Variants in HSD17B3 observed in about 807,000 individuals in gnomAD.
The protein encoded by HSD17B3 is hydroxysteroid 17-beta dehydrogenase 3, also known as 17-beta-hydroxysteroid dehydrogenase type 3.
In HSD17B3, 29 loss-of-function variants were observed where a neutral mutation model predicts 41.1. The ratio of observed to expected loss-of-function variants is 0.71; its 90% CI spans 0.53 to 0.96. The LOEUF is 0.96. Among genes scored for constraint, HSD17B3 ranks in the 40% least tolerant of loss-of-function variants. The pLI is 0.00. For missense variants in HSD17B3, 323 were observed against 374.6 expected, an observed-to-expected ratio of 0.86 and a Z score of 1.14; for synonymous variants, 126 against 145.6, an observed-to-expected ratio of 0.87 and a Z score of 0.97.
chr9:96,256,293 T>C (rs1203269031), intron 2 of HSD17B3: 1 of 152,186 alleles, frequency 6.6e-6, no homozygotes, highest in African/African-American at 2.4e-5. Context: ...GTTCCAATTT[T>C]AGTATATGTG....
In HSD17B3 at chr9:96,301,959, T is replaced by C. The variant is rs1421360138; in HGVS notation, c.146A>G (p.Gln49Arg). ...ATGGAACACTCCCTTACCTGCCCAC[T>C]GTCCCATTGACCGCAAGAAAGACTT... ...LPKSFLRSMG[Q>R]WAVITGAGDG... Residue 49 changes from glutamine (Q) to arginine (R), a missense_variant, in exon 1 of 11, where the codon CAG becomes CGG. By Grantham distance (43) the Gln-to-Arg change is conservative. Coordinates refer to ENST00000375263, the MANE Select transcript of HSD17B3 (RefSeq NM_000197.2). 1.9e-6 allele frequency: 3 copies of C among 1,614,048 alleles called. No individual in the cohort carries two copies. The Admixed American group carries it at 5.0e-5, about 27-fold the overall frequency.
intron 4 of HSD17B3, among the ~76,000 whole-genome samples, chr9:96,252,113 A>C (rs887475862): frequency 6.6e-6 from 1 of 152,016 alleles, no homozygotes; most frequent in Admixed American, 6.5e-5. Context: ...TCAATTCTCA[A>C]CTATACTATT....
At chr9:96,244,179 G>A in intron 9 of HSD17B3, 150 bp downstream of exon 9, 2 of 828,246 alleles carry the variant, frequency 2.4e-6, no homozygotes, top group Non-Finnish European at 4.3e-6. Flanking sequence ...GGCATCCCCA[G>A]CTCATCTTCC....
chr9:96,263,335 G>A (rs1466562097), intron 2 of HSD17B3, among the ~76,000 whole-genome samples: 1 of 152,080 alleles, frequency 6.6e-6, no homozygotes, highest in African/African-American at 2.4e-5. Context: ...TCAACACAAA[G>A]CCTACACTGG....
At chr9:96,259,161 A>C (rs1284934108) in intron 2 of HSD17B3, among the ~76,000 whole-genome samples, 8 of 152,158 alleles carry the variant, frequency 5.3e-5, no homozygotes, top group African/African-American at 1.9e-4. Flanking sequence ...GGCTTCACAC[A>C]GGTGTCAAGG....
At chr9:96,296,158 G>T (rs1827350820) in intron 2 of HSD17B3, among the ~76,000 whole-genome samples, 1 of 152,112 alleles carries the variant, frequency 6.6e-6, no homozygotes, top group South Asian at 2.1e-4. Flanking sequence ...CTGAGTGGGA[G>T]TATCACTTGA....
chr9:96,250,475 C>A, intron 5 of HSD17B3: 1 of 1,058,736 alleles, frequency 9.4e-7, no homozygotes, highest in Non-Finnish European at 1.1e-6. Flanking sequence ...TTACACAGGA[C>A]GATGGGATAC....
intron 2 of HSD17B3, among the ~76,000 whole-genome samples, chr9:96,272,039 T>C (rs1249828390): frequency 6.6e-6 from 1 of 152,010 alleles, no homozygotes; most frequent in African/African-American, 2.4e-5. Flanking sequence ...GATGGTGGCC[T>C]TAGTCATTTT....
chr9:96,275,896 T>C (rs1233351328), intron 2 of HSD17B3, among the ~76,000 whole-genome samples: 2 of 151,856 alleles, frequency 1.3e-5, no homozygotes, highest in East Asian at 3.9e-4. Context: ...AGTCCTCACC[T>C]ATCAATAATT....
intron 2 of HSD17B3, among the ~76,000 whole-genome samples, chr9:96,287,908 C>G (rs1826988932): frequency 6.7e-6 from 1 of 149,668 alleles, no homozygotes; most frequent in Non-Finnish European, 1.5e-5. Flanking sequence ...CAACAGTTGT[C>G]AACTGGAAAA....
rs1267315269 is a variant in HSD17B3, at chr9:96,240,755, T to C, written c.822+3A>G. ...TTCAAGAAAAGGAGAAGTTATCAAT[T>C]ACCAAGATTTCATGGGCAAGGCAGC... On this transcript the variant is annotated splice_donor_region_variant and intron_variant, in intron 10 of 10. Coordinates refer to ENST00000375263, the MANE Select transcript of HSD17B3 (RefSeq NM_000197.2). 3 of 1,614,150 alleles carry C rather than the reference T, an allele frequency of 1.9e-6. No homozygotes were observed. Among genetic ancestry groups the C allele is most frequent in the East Asian group, 2.2e-5 (1 of 44,894 alleles).
rs3222260 is a variant in HSD17B3 at position 96,277,835 on chromosome 9, GCACACACACACA to G, written c.201+20569_201+20580del. On this transcript the variant is annotated intron_variant, in intron 2 of 10. Coordinates refer to ENST00000375263, the MANE Select transcript of HSD17B3 (RefSeq NM_000197.2). ...TTAACAGATGAATAAGGAAAATGTG[GCACACACACACA>G]CACACACACACACACACACACACAA... 2.7e-4 allele frequency among the ~76,000 whole-genome samples: 40 copies of G among 146,024 alleles called. 1 individual carries two copies. Among genetic ancestry groups the G allele is most frequent in the South Asian group, 1.1e-3 (5 of 4,576 alleles).
chr9:96,278,685 A>G (rs756974819), intron 2 of HSD17B3, among the ~76,000 whole-genome samples: 9 of 152,318 alleles, frequency 5.9e-5, no homozygotes, highest in Middle Eastern at 3.4e-3. Context: ...ATTTGATGGT[A>G]GGCCATGAAT....
intron 2 of HSD17B3, among the ~76,000 whole-genome samples, chr9:96,259,018 G>A (rs1156378895): frequency 6.6e-6 from 1 of 152,180 alleles, no homozygotes; most frequent in Non-Finnish European, 1.5e-5. Flanking sequence ...CTCTAAGATT[G>A]CCCTGGGCTT....
chr9:96,240,640 G>T, intron 10 of HSD17B3, 118 bp downstream of exon 10: 1 of 1,026,850 alleles, frequency 9.7e-7, no homozygotes, highest in Non-Finnish European at 1.5e-6. Flanking sequence ...CCTTGTACCT[G>T]GCTATATTAA....
At chr9:96,286,252 G>C (rs1396334698) in intron 2 of HSD17B3, among the ~76,000 whole-genome samples, 1 of 152,116 alleles carries the variant, frequency 6.6e-6, no homozygotes. Flanking sequence ...GTTGAGGCAG[G>C]AGAATCACTT....
intron 1 of HSD17B3, among the ~76,000 whole-genome samples, chr9:96,298,787 C>T (rs1253846424): frequency 6.6e-6 from 1 of 152,142 alleles, no homozygotes; most frequent in African/African-American, 2.4e-5. Context: ...TTCCTGCAGG[C>T]CCCATGAGGA....
chr9:96,286,403 AACTG>A (rs1436506192), intron 2 of HSD17B3, among the ~76,000 whole-genome samples: 2 of 151,730 alleles, frequency 1.3e-5, no homozygotes, highest in Admixed American at 1.3e-4. Flanking sequence ...CACCCACCAT[AACTG>A]GCTGGGCATA....
chr9:96,283,837 A>G (rs1826800863), intron 2 of HSD17B3, among the ~76,000 whole-genome samples: 1 of 152,090 alleles, frequency 6.6e-6, no homozygotes, highest in Non-Finnish European at 1.5e-5. Context: ...TGACATTAGA[A>G]TAGAGGAAAA....
Sources: allele counts gnomAD v4.1 joint callset (sites outside exome capture counted in the v4.1 genomes callset), GRCh38; gene constraint gnomAD v4.1.1; transcripts MANE v1.5; gene names NCBI Gene and HGNC (gene_info 2026-07-23, HGNC 2026-07-21).